BLTP3A: variants seen among roughly 807,000 people sequenced by gnomAD.
The protein encoded by BLTP3A is ICBP90 binding protein 1.
chr6:34,865,326 A>T, the BLTP3A span, among the ~76,000 whole-genome samples: 1 of 152,170 alleles, frequency 6.6e-6, no homozygotes, highest in Non-Finnish European at 1.5e-5. Flanking sequence ...CTCATTTAGC[A>T]TATTGTCTGT....
the BLTP3A span, among the ~76,000 whole-genome samples, chr6:34,793,499 C>G: frequency 6.6e-6 from 1 of 152,168 alleles, no homozygotes; most frequent in South Asian, 2.1e-4. Flanking sequence ...CTTTTCCTGC[C>G]ACTGCATCCC....
chr6:34,797,889 T>C, the BLTP3A span, among the ~76,000 whole-genome samples: 2 of 152,230 alleles, frequency 1.3e-5, no homozygotes, highest in Non-Finnish European at 2.9e-5. Flanking sequence ...TAGTAAGTGA[T>C]AGAGATTCAA....
At chr6:34,824,271 G>A in the BLTP3A span, among the ~76,000 whole-genome samples, 19 of 152,142 alleles carry the variant, frequency 1.2e-4, no homozygotes, top group South Asian at 1.0e-3. Context: ...GGTGGCTCAC[G>A]CCTGTAATCC....
At chr6:34,802,087 G>A in the BLTP3A span, among the ~76,000 whole-genome samples, 1 of 152,164 alleles carries the variant, frequency 6.6e-6, no homozygotes, top group South Asian at 2.1e-4. Flanking sequence ...CATGAGGGAA[G>A]ATCGTTTTGA....
At chr6:34,851,771 G>A in the BLTP3A span, among the ~76,000 whole-genome samples, 4 of 152,116 alleles carry the variant, frequency 2.6e-5, no homozygotes, top group Non-Finnish European at 4.4e-5. Flanking sequence ...GCCCGGAGTC[G>A]GGAACCTTAG....
chr6:34,866,557 C>G, the BLTP3A span, among the ~76,000 whole-genome samples: 1 of 152,128 alleles, frequency 6.6e-6, no homozygotes, highest in Non-Finnish European at 1.5e-5. Flanking sequence ...AAAATACAGA[C>G]TTAAATTTTT....
the BLTP3A span, among the ~76,000 whole-genome samples, chr6:34,842,838 C>T: frequency 1.3e-5 from 2 of 152,064 alleles, no homozygotes; most frequent in Non-Finnish European, 2.9e-5. Context: ...ATCAGTTGCT[C>T]CATCTCAGAG....
At chr6:34,839,374 G>A in the BLTP3A span, among the ~76,000 whole-genome samples, 1 of 152,154 alleles carries the variant, frequency 6.6e-6, no homozygotes, top group South Asian at 2.1e-4. Flanking sequence ...GGGGAAGGGA[G>A]AACTAGGTAA....
the BLTP3A span, chr6:34,872,301 A>G: frequency 6.2e-7 from 1 of 1,600,302 alleles, no homozygotes; most frequent in Non-Finnish European, 8.5e-7. Context: ...TTAACTACTT[A>G]TTGTTCCTCA....
the BLTP3A span, chr6:34,856,890 C>T: frequency 6.2e-7 from 1 of 1,614,042 alleles, no homozygotes; most frequent in East Asian, 2.2e-5. Context: ...TACGCTCTAG[C>T]TGCATGGTGG....
At chr6:34,821,203 G>A in the BLTP3A span, among the ~76,000 whole-genome samples, 3 of 152,094 alleles carry the variant, frequency 2.0e-5, no homozygotes, top group Admixed American at 1.3e-4. Flanking sequence ...TGATCCACCC[G>A]CCTTGGCCTC....
the BLTP3A span, chr6:34,822,075 C>A: frequency 8.4e-7 from 1 of 1,192,782 alleles, no homozygotes. Context: ...CCTTATGTCC[C>A]TGTGAGCTTC....
the BLTP3A span, among the ~76,000 whole-genome samples, chr6:34,803,705 A>G: frequency 8.4e-3 from 1,280 of 152,282 alleles, 19 homozygotes; most frequent in African/African-American, 0.027. Context: ...TTTTTCCAAA[A>G]TGATTTCTGT....
At chr6:34,821,015 G>A in the BLTP3A span, among the ~76,000 whole-genome samples, 3 of 147,646 alleles carry the variant, frequency 2.0e-5, no homozygotes, top group Non-Finnish European at 4.5e-5. Context: ...GGAGTGCAAT[G>A]GCACGATTTC....
chr6:34,857,438 AG>A, the BLTP3A span: 1 of 1,614,070 alleles, frequency 6.2e-7, no homozygotes, highest in Non-Finnish European at 8.5e-7. Context: ...GAGTTCACAG[AG>A]TATTACTTCC....
At chr6:34,826,026 ATTTTTTTT>A in the BLTP3A span, among the ~76,000 whole-genome samples, 3 of 76,648 alleles carry the variant, frequency 3.9e-5, no homozygotes, top group South Asian at 3.5e-4. Flanking sequence ...TACATTTTGC[ATTTTTTTT>A]TTTTTTTTTT....
At chr6:34,859,350 G>A in the BLTP3A span, 1 of 1,614,014 alleles carries the variant, frequency 6.2e-7, no homozygotes, top group Non-Finnish European at 8.5e-7. Flanking sequence ...CAGCTGGCAG[G>A]GAGACTGCTG....
chr6:34,794,157 C>CAA, the BLTP3A span, among the ~76,000 whole-genome samples: 31,473 of 143,414 alleles, frequency 0.22, 4,004 homozygotes, highest in African/African-American at 0.36. Context: ...GAGACTGTCT[C>CAA]AAAAAAAAAA....
chr6:34,853,315 A>ACTCC, the BLTP3A span, among the ~76,000 whole-genome samples: 1 of 150,960 alleles, frequency 6.6e-6, no homozygotes, highest in Non-Finnish European at 1.5e-5. Context: ...TGAGGCTAGG[A>ACTCC]CTCCCGACTG....
Sources: allele counts gnomAD v4.1 joint callset (sites outside exome capture counted in the v4.1 genomes callset), GRCh38; gene constraint gnomAD v4.1.1; transcripts MANE v1.5; gene names NCBI Gene and HGNC (gene_info 2026-07-23, HGNC 2026-07-21).